The following CCDC192 variants were observed in gnomAD, a reference collection of about 807,000 sequenced individuals.
CCDC192 encodes the protein coiled-coil domain containing 192, also known as coiled-coil domain-containing protein 192.
chr5:127,714,953 T>C (rs1396639147), intron 2 of CCDC192, among the ~76,000 whole-genome samples: 1 of 132,906 alleles, frequency 7.5e-6, no homozygotes, highest in East Asian at 2.3e-4. Context: ...CTTTTGCCCA[T>C]TTATAATGAA....
intron 3 of CCDC192, among the ~76,000 whole-genome samples, chr5:127,769,458 T>C (rs556057264): frequency 3.9e-5 from 6 of 152,108 alleles, no homozygotes; most frequent in African/African-American, 1.4e-4. Flanking sequence ...TGAGTGGTTG[T>C]ACATTTGAAA....
At chr5:127,920,568 A>G (rs1423908978) in intron 6 of CCDC192, among the ~76,000 whole-genome samples, 2 of 151,594 alleles carry the variant, frequency 1.3e-5, no homozygotes, top group African/African-American at 4.8e-5. Flanking sequence ...TTGCCACCAC[A>G]CCTGGCTAAT....
At chr5:127,891,725 G>A (rs1220987847) in intron 6 of CCDC192, among the ~76,000 whole-genome samples, 1 of 152,106 alleles carries the variant, frequency 6.6e-6, no homozygotes, top group Non-Finnish European at 1.5e-5. Flanking sequence ...CTTGGAATAA[G>A]GTCAACATAT....
chr5:127,804,833 G>A (rs964291039), intron 5 of CCDC192, among the ~76,000 whole-genome samples: 19 of 152,126 alleles, frequency 1.2e-4, no homozygotes, highest in African/African-American at 4.6e-4. Flanking sequence ...AAAATCTGAG[G>A]TGTACTGCAC....
intron 5 of CCDC192, among the ~76,000 whole-genome samples, chr5:127,869,631 C>T (rs1449399687): frequency 6.6e-6 from 1 of 152,158 alleles, no homozygotes; most frequent in Non-Finnish European, 1.5e-5. Context: ...TCCTGGAAAG[C>T]AGAACATCTA....
chr5:127,742,077 C>T (rs912092504), intron 2 of CCDC192, among the ~76,000 whole-genome samples: 9 of 152,164 alleles, frequency 5.9e-5, no homozygotes, highest in Non-Finnish European at 1.0e-4. Flanking sequence ...ACTACGTCTG[C>T]CTTGTTACTC....
At chr5:127,799,538 C>A (rs912258928) in intron 5 of CCDC192, among the ~76,000 whole-genome samples, 2 of 152,112 alleles carry the variant, frequency 1.3e-5, no homozygotes, top group African/African-American at 2.4e-5. Context: ...CATTTGATAC[C>A]CACAGTCATT....
At chr5:127,738,391 A>C (rs1232021402) in intron 2 of CCDC192, among the ~76,000 whole-genome samples, 1 of 135,616 alleles carries the variant, frequency 7.4e-6, no homozygotes. Context: ...ACTTTGGTGA[A>C]TCTGACAATT....
At chr5:127,794,716 C>A (rs1757064315) in intron 3 of CCDC192, among the ~76,000 whole-genome samples, 1 of 151,922 alleles carries the variant, frequency 6.6e-6, no homozygotes, top group Non-Finnish European at 1.5e-5. Flanking sequence ...TAAATGATGT[C>A]TTTTGAGTGA....
chr5:127,730,657 A>G (rs1407305419), intron 2 of CCDC192, among the ~76,000 whole-genome samples: 1 of 152,200 alleles, frequency 6.6e-6, no homozygotes, highest in Non-Finnish European at 1.5e-5. Context: ...GCACATCAAA[A>G]AGCTTATCCA....
chr5:127,875,520 AT>A lies in CCDC192; in HGVS notation c.412-4del, dbSNP rs35102491. On this transcript the variant is annotated splice_polypyrimidine_tract_variant and intron_variant, in intron 5 of 6. Coordinates refer to ENST00000514853, the MANE Select transcript of CCDC192 (RefSeq NM_001317938.2). The stretch of plus-strand genomic sequence containing the variant: ...TCTGTCCCTAGTGATGGAAACTCTT[AT>A]TTTTTTTTTTTTTAAGAAACTAAAG... 0.046 allele frequency: 15,572 copies of A among 339,290 alleles called. 184 individuals carry two copies. Among genetic ancestry groups the A allele is most frequent in the African/African-American group, 0.096 (4,441 of 46,300 alleles). The allele number at this position is 339,290 out of a possible 1,614,324, so 21.0% of individuals were successfully genotyped here.
At chr5:127,929,060 C>T (rs1269314775) in intron 6 of CCDC192, among the ~76,000 whole-genome samples, 2 of 152,218 alleles carry the variant, frequency 1.3e-5, no homozygotes, top group Admixed American at 6.5e-5. Context: ...CCACCATGCC[C>T]GGACTCAGCC....
chr5:127,763,894 C>G (rs1010212618), intron 3 of CCDC192, among the ~76,000 whole-genome samples: 1 of 152,166 alleles, frequency 6.6e-6, no homozygotes, highest in African/African-American at 2.4e-5. Flanking sequence ...GACTTCTTTT[C>G]AGATCCTCAG....
In CCDC192 at chr5:127,719,580, T is replaced by TAC. The variant is rs1554068173; in HGVS notation, c.114+11821_114+11822dup. 5.7e-3 allele frequency among the ~76,000 whole-genome samples: 751 copies of TAC among 132,318 alleles called. 29 individuals carry two copies. The highest frequency in any genetic ancestry group is 0.023 in the African/African-American group (710 of 30,744). The allele number at this position is 132,318 out of a possible 152,430, so 86.8% of individuals were successfully genotyped here. On this transcript the variant is annotated intron_variant, in intron 2 of 6. Coordinates refer to ENST00000514853, the MANE Select transcript of CCDC192 (RefSeq NM_001317938.2). ...ATATACACACATACATATATATATATACCAAGCAGTGGGATTGCTGAATCA... is the reference window on the plus strand; with the variant it reads ...ATATACACACATACATATATATATATACACCAAGCAGTGGGATTGCTGAATCA...
At chr5:127,723,227 G>T (rs779985405) in intron 2 of CCDC192, among the ~76,000 whole-genome samples, 6 of 152,002 alleles carry the variant, frequency 3.9e-5, no homozygotes, top group Admixed American at 6.6e-5. Flanking sequence ...TCTTGTAAAT[G>T]GAATTACTTT....
intron 2 of CCDC192, among the ~76,000 whole-genome samples, chr5:127,721,277 C>T (rs1160557914): frequency 1.3e-5 from 2 of 152,204 alleles, no homozygotes; most frequent in Non-Finnish European, 2.9e-5. Context: ...TGCTTTGCTG[C>T]TTAGAAATTT....
rs1318540030 is a variant in CCDC192 at position 127,941,415 on chromosome 5, C to G, written c.769C>G (p.Pro257Ala). The G allele has an allele frequency of 2.5e-6, 1 of 398,900 alleles. No homozygotes were observed. Among genetic ancestry groups the G allele is most frequent in the African/African-American group, 2.1e-5 (1 of 48,616 alleles). 24.7% of individuals were successfully genotyped at this position (398,900 alleles called of 1,614,324 possible). ...CCCTCCAGGATGTTTACCAGAAGCCCCAGTTTTCTCTACTCATGACATCCC... is the reference window on the plus strand; with the variant it reads ...CCCTCCAGGATGTTTACCAGAAGCCGCAGTTTTCTCTACTCATGACATCCC... ...KDPPGCLPEAPVFSTHDIPPV... is the reference protein window; with the variant it reads ...KDPPGCLPEAAVFSTHDIPPV... Residue 257 changes from proline to alanine, a missense_variant, in exon 7 of 7, where the codon CCA becomes GCA. Pro to Ala is a conservative substitution (Grantham distance 27). Transcript: ENST00000514853.
intron 6 of CCDC192, among the ~76,000 whole-genome samples, chr5:127,886,198 G>A (rs929408829): frequency 6.6e-6 from 1 of 152,156 alleles, no homozygotes; most frequent in Non-Finnish European, 1.5e-5. Context: ...GCTATCATCT[G>A]AATCTGGGCA....
At chr5:127,750,199 T>C (rs1754056937) in intron 2 of CCDC192, among the ~76,000 whole-genome samples, 1 of 152,170 alleles carries the variant, frequency 6.6e-6, no homozygotes, top group African/African-American at 2.4e-5. Context: ...CTTTTAATTG[T>C]GATGTTAGGG....
Sources: gnomAD v4.1 joint callset for allele counts (sites outside exome capture counted in the v4.1 genomes callset) on GRCh38, gnomAD v4.1.1 for gene constraint, MANE v1.5 for transcripts, NCBI Gene and HGNC (gene_info 2026-07-23, HGNC 2026-07-21) for gene names.